The following DAB1 variants were observed in gnomAD, a reference collection of about 807,000 sequenced individuals.
The protein encoded by DAB1 is disabled homolog 1.
A neutral mutation model predicts 64.6 loss-of-function variants in DAB1; 15 were observed. That is an observed-to-expected ratio of 0.23 (90% CI 0.16 to 0.36). DAB1 has a LOEUF of 0.36. DAB1 is among the 10% of genes least tolerant of loss of function. The pLI is 1.00. For missense variants in DAB1, 596 were observed against 706.7 expected, an observed-to-expected ratio of 0.84 and a Z score of 1.78; for synonymous variants, 235 against 251.9, an observed-to-expected ratio of 0.93 and a Z score of 0.64.
chr1:57,585,132 C>A (rs1211248739), intron 7 of DAB1, among the ~76,000 whole-genome samples: 1 of 151,014 alleles, frequency 6.6e-6, no homozygotes, highest in Non-Finnish European at 1.5e-5. Context: ...GGCTGTAATG[C>A]CAGCTACTCG....
chr1:57,861,290 G>A (rs906721861), intron 1 of DAB1, among the ~76,000 whole-genome samples: 6 of 152,186 alleles, frequency 3.9e-5, no homozygotes, highest in Admixed American at 3.3e-4. Flanking sequence ...TTACATACAA[G>A]AGAAATATAT....
chr1:57,978,018 C>G (rs1228202592), intron 5 of DAB1, among the ~76,000 whole-genome samples: 1 of 152,070 alleles, frequency 6.6e-6, no homozygotes. Context: ...CAATGCCATC[C>G]CCAACAAGCT....
chr1:57,600,580 G>A (rs1645565675), intron 7 of DAB1, among the ~76,000 whole-genome samples: 1 of 152,144 alleles, frequency 6.6e-6, no homozygotes, highest in Admixed American at 6.5e-5. Flanking sequence ...GGGGGGTCGG[G>A]ATGGGTTAAG....
chr1:57,995,876 G>A lies in DAB1; in HGVS notation n.388-111714C>T, dbSNP rs185322335. On this transcript the variant is annotated intron_variant and non_coding_transcript_variant, in intron 5 of 20. Coordinates refer to the DAB1 transcript ENST00000485760. The stretch of plus-strand genomic sequence containing the variant: ...CAGACCAAGCACATACATGGATCCA[G>A]GATAGAATCTAAATTCTACTAAATT... Among the ~76,000 whole-genome samples the A allele has an allele frequency of 4.6e-5, 7 of 151,934 alleles. No homozygotes were observed. The East Asian group carries it at 1.4e-3, about 29-fold the overall frequency.
At chr1:57,218,918 G>A (rs1200839500) in intron 2 of DAB1, among the ~76,000 whole-genome samples, 1 of 152,118 alleles carries the variant, frequency 6.6e-6, no homozygotes, top group African/African-American at 2.4e-5. Context: ...TCTAGCCACA[G>A]CAGAACATCC....
chr1:58,051,291 A>C lies in DAB1; in HGVS notation n.387+99220T>G, dbSNP rs368602210. ...TCAAGTCCCACCTCTGAGTGAGAAC[A>C]TGTGGTGTTTGGTTTTCTGTCCTTG... On this transcript the variant is annotated intron_variant and non_coding_transcript_variant, in intron 5 of 20. Transcript: ENST00000485760. 2.4e-4 allele frequency among the ~76,000 whole-genome samples: 36 copies of C among 151,784 alleles called. No homozygotes were observed. The East Asian group carries it at 6.8e-3, about 29-fold the overall frequency.
chr1:57,145,280 T>G lies in DAB1; in HGVS notation c.207+10A>C. On this transcript the variant is annotated intron_variant, in intron 3 of 14. Coordinates refer to ENST00000371236, the MANE Select transcript of DAB1 (RefSeq NM_001365792.1). ...CACAAAGTATTGAAAAGAAAACGTT[T>G]GCATAGCACCTTGAGTTTCATCATG... is the stretch of plus-strand genomic sequence containing the variant. The G allele has an allele frequency of 6.2e-7, 1 of 1,613,668 alleles. No individual in the cohort carries two copies. The highest frequency in any genetic ancestry group is 8.5e-7 in the Non-Finnish European group (1 of 1,179,664).
chr1:58,315,236 A>G (rs189981004), intron 4 of DAB1, among the ~76,000 whole-genome samples: 1 of 152,334 alleles, frequency 6.6e-6, no homozygotes, highest in East Asian at 1.9e-4. Flanking sequence ...ATGAGCTGAC[A>G]ATGGTATGAA....
At chr1:57,776,626 A>C (rs1001655167) in intron 6 of DAB1, among the ~76,000 whole-genome samples, 1 of 151,636 alleles carries the variant, frequency 6.6e-6, no homozygotes, top group African/African-American at 2.4e-5. Context: ...TTGGTTATTT[A>C]GTTATTTATT....
chr1:57,436,392 C>A (rs147763743), intron 7 of DAB1, among the ~76,000 whole-genome samples: 1 of 152,154 alleles, frequency 6.6e-6, no homozygotes, highest in Non-Finnish European at 1.5e-5. Flanking sequence ...TTAAGAGCTG[C>A]GCGTTTCAAT....
chr1:57,726,767 T>C (rs1364906589), intron 6 of DAB1, among the ~76,000 whole-genome samples: 2 of 152,198 alleles, frequency 1.3e-5, no homozygotes, highest in Non-Finnish European at 2.9e-5. Context: ...ATCATGTAGC[T>C]CAAAAGTGAC....
chr1:57,052,445 A>G (rs1649289611), intron 9 of DAB1, among the ~76,000 whole-genome samples: 2 of 152,112 alleles, frequency 1.3e-5, no homozygotes, highest in South Asian at 4.1e-4. Flanking sequence ...TTCTGGACAC[A>G]TACTCTGTGT....
chr1:58,081,002 C>T (rs573137025), intron 5 of DAB1, among the ~76,000 whole-genome samples: 4 of 152,228 alleles, frequency 2.6e-5, no homozygotes, highest in Admixed American at 1.3e-4. Context: ...CAAGCTCATA[C>T]CTGCTCAGCT....
At chr1:58,231,282 T>C (rs1268796991) in intron 4 of DAB1, among the ~76,000 whole-genome samples, 1 of 152,222 alleles carries the variant, frequency 6.6e-6, no homozygotes, top group Non-Finnish European at 1.5e-5. Flanking sequence ...CCAACTCAGA[T>C]ATAGCCCTAA....
chr1:57,559,191 A>G (rs914007498), intron 7 of DAB1, among the ~76,000 whole-genome samples: 4 of 152,202 alleles, frequency 2.6e-5, no homozygotes, highest in African/African-American at 4.8e-5. Context: ...AATTAATCAC[A>G]GTGTTCCTAG....
intron 4 of DAB1, among the ~76,000 whole-genome samples, chr1:58,232,963 G>A (rs1659850613): frequency 6.6e-6 from 1 of 152,172 alleles, no homozygotes; most frequent in East Asian, 1.9e-4. Flanking sequence ...GGTTGTTAGT[G>A]CCACCTGAAC....
At chr1:57,837,612 C>G (rs760080028) in intron 1 of DAB1, among the ~76,000 whole-genome samples, 16 of 152,086 alleles carry the variant, frequency 1.1e-4, no homozygotes, top group Non-Finnish European at 7.4e-5. Flanking sequence ...GGAAAATGGC[C>G]CAACTTATTA....
chr1:57,150,570 C>T (rs886762225), intron 2 of DAB1, among the ~76,000 whole-genome samples: 3 of 152,148 alleles, frequency 2.0e-5, no homozygotes, highest in Non-Finnish European at 4.4e-5. Context: ...TTCTCCACCC[C>T]TTGGCACTAT....
At chr1:57,152,372 G>T (rs1659771047) in intron 2 of DAB1, among the ~76,000 whole-genome samples, 1 of 152,220 alleles carries the variant, frequency 6.6e-6, no homozygotes, top group Non-Finnish European at 1.5e-5. Context: ...AATAGGGAAT[G>T]CTTTATCTGG....
Sources: allele counts gnomAD v4.1 joint callset (sites outside exome capture counted in the v4.1 genomes callset), GRCh38; gene constraint gnomAD v4.1.1; transcripts MANE v1.5; gene names NCBI Gene and HGNC (gene_info 2026-07-23, HGNC 2026-07-21).